Variants in PHF20L1 observed in about 807,000 individuals in gnomAD.
The protein encoded by PHF20L1 is PHD finger protein 20-like protein 1.
A neutral mutation model predicts 125.5 loss-of-function variants in PHF20L1; 44 were observed. The observed-to-expected ratio is 0.35, with a 90% CI of 0.28 to 0.45. The LOEUF (loss-of-function observed/expected upper bound fraction) is 0.45, where lower values mean the gene tolerates loss of function less well. PHF20L1 is among the 20% of genes least tolerant of loss of function. The pLI is 1.00. For synonymous variants in PHF20L1, 380 were observed against 403.1 expected (o/e 0.94, Z 0.69); for missense variants, 1,012 against 1,217.2 (o/e 0.83, Z 2.51).
At chr8:132,793,010 G>A (rs1342818290) in intron 2 of PHF20L1, among the ~76,000 whole-genome samples, 1 of 141,620 alleles carries the variant, frequency 7.1e-6, no homozygotes, top group African/African-American at 2.6e-5. Flanking sequence ...TGTTCCAAGA[G>A]ATATAAATGT....
intron 1 of PHF20L1, among the ~76,000 whole-genome samples, chr8:132,777,404 A>G (rs928119807): frequency 6.6e-6 from 1 of 152,202 alleles, no homozygotes; most frequent in Admixed American, 6.5e-5. Context: ...CAGTAGTCCT[A>G]TTCCAGAACA....
chr8:132,789,330 C>G (rs542955989), intron 2 of PHF20L1, among the ~76,000 whole-genome samples: 1 of 152,106 alleles, frequency 6.6e-6, no homozygotes, highest in African/African-American at 2.4e-5. Flanking sequence ...CAATAATATG[C>G]TATAGGAGTT....
Position 132,844,234 on chromosome 8 carries a change from T to C in PHF20L1, c.2827T>C (p.Trp943Arg). 1.2e-6 allele frequency: 2 copies of C among 1,612,888 alleles called. No individual in the cohort carries two copies. Among genetic ancestry groups the C allele is most frequent in the South Asian group, 1.1e-5 (1 of 91,034 alleles). ...AGACCCAGGAGACTCACATCTTCAGTGGCAGCTCAATCTCCTTACACACAT... is the reference window on the plus strand; with the variant it reads ...AGACCCAGGAGACTCACATCTTCAGCGGCAGCTCAATCTCCTTACACACAT... ...TEDPGDSHLQ[W>R]QLNLLTHIEN... The change falls in exon 20 of 21, where the codon TGG becomes CGG. Residue 943 changes from tryptophan (W) to arginine (R), a missense_variant. Transcript: ENST00000395386.
Position 132,825,557 on chromosome 8 carries a change from A to G in PHF20L1, c.1744+186A>G, listed in dbSNP as rs235442. Among the ~76,000 whole-genome samples the G allele has an allele frequency of 0.44, 67,128 of 151,720 alleles. 14,901 individuals are homozygous for G. Among genetic ancestry groups the G allele is most frequent in the South Asian group, 0.52 (2,500 of 4,816 alleles). On this transcript the variant is annotated intron_variant, in intron 14 of 20. Coordinates refer to ENST00000395386, the MANE Select transcript of PHF20L1 (RefSeq NM_016018.5). ...ATACTACTCTGTTTCACTCTGGCCT[A>G]TAATTGTTGCACTCTGGCCTTTAAT... is the stretch of plus-strand genomic sequence containing the variant.
chr8:132,828,975 A>G (rs1394382186), intron 14 of PHF20L1, among the ~76,000 whole-genome samples: 1 of 152,074 alleles, frequency 6.6e-6, no homozygotes, highest in Non-Finnish European at 1.5e-5. Context: ...TAAGAGTGGT[A>G]CAAAATAAAT....
At chr8:132,812,786 T>A in intron 9 of PHF20L1, 3 of 983,222 alleles carry the variant, frequency 3.1e-6, no homozygotes, top group Non-Finnish European at 3.6e-6. Context: ...GTATTGATTG[T>A]TACTAACCTC....
At chr8:132,782,000 C>A (rs1235431641) in intron 2 of PHF20L1, among the ~76,000 whole-genome samples, 1 of 152,214 alleles carries the variant, frequency 6.6e-6, no homozygotes, top group African/African-American at 2.4e-5. Flanking sequence ...TTTCAATCAT[C>A]TGCATAAAGA....
rs1341785812 is a variant in PHF20L1, at chr8:132,848,697, TC to T, written c.*2776del. ...TTTAAATTTCAGGTAAAACCCCTTT[TC>T]CTAACACTCATCTTATTTCCACTGT... On this transcript the variant is annotated 3_prime_UTR_variant, in exon 21 of 21. Transcript: ENST00000395386. 2 of 152,072 alleles carry T rather than the reference TC, an allele frequency of 1.3e-5. No homozygotes were observed. Among genetic ancestry groups the T allele is most frequent in the African/African-American group, 4.8e-5 (2 of 41,428 alleles). 9.4% of individuals were successfully genotyped at this position (152,072 alleles called of 1,614,324 possible).
At chr8:132,800,461 T>A (rs1832918493) in intron 6 of PHF20L1, among the ~76,000 whole-genome samples, 1 of 151,630 alleles carries the variant, frequency 6.6e-6, no homozygotes, top group Admixed American at 6.6e-5. Flanking sequence ...TGACTTGCCT[T>A]CATCAAAGAA....
At chr8:132,836,124 C>A (rs931561871) in intron 15 of PHF20L1, among the ~76,000 whole-genome samples, 2 of 152,108 alleles carry the variant, frequency 1.3e-5, no homozygotes, top group African/African-American at 2.4e-5. Flanking sequence ...ACTACACACA[C>A]CTGTCCCCAG....
chr8:132,819,544 C>T (rs946845550), intron 12 of PHF20L1, among the ~76,000 whole-genome samples: 22 of 151,618 alleles, frequency 1.5e-4, no homozygotes, highest in African/African-American at 3.9e-4. Flanking sequence ...TTGAAATTCT[C>T]GGTGGTCTCT....
At chr8:132,839,803 G>A (rs1053619995) in intron 18 of PHF20L1, among the ~76,000 whole-genome samples, 3 of 152,018 alleles carry the variant, frequency 2.0e-5, no homozygotes, top group Admixed American at 6.6e-5. Flanking sequence ...AGGTAGATAC[G>A]GCATCTAGTA....
chr8:132,815,286 T>C (rs1834836974), intron 10 of PHF20L1: 1 of 152,776 alleles, frequency 6.5e-6, no homozygotes, highest in Non-Finnish European at 1.5e-5. Context: ...CAATACATTT[T>C]ATTCATTCTT....
chr8:132,843,038 A>C, intron 19 of PHF20L1, 163 bp downstream of exon 19: 1 of 1,359,682 alleles, frequency 7.4e-7, no homozygotes, highest in Non-Finnish European at 9.5e-7. Flanking sequence ...ACAGGAAAAC[A>C]CTGGCCATTT....
intron 2 of PHF20L1, among the ~76,000 whole-genome samples, chr8:132,785,908 T>TA (rs1302020245): frequency 6.6e-6 from 1 of 152,108 alleles, no homozygotes; most frequent in Non-Finnish European, 1.5e-5. Context: ...ATGGTGTATC[T>TA]ACAAGGCCTT....
At position 132,845,973 on chromosome 8, in the gene PHF20L1, T is replaced by G. The variant is rs1344534281; in HGVS notation, c.*50T>G. 6.8e-7 allele frequency: 1 copy of G among 1,465,676 alleles called. No homozygotes were observed. Among genetic ancestry groups the G allele is most frequent in the Admixed American group, 1.8e-5 (1 of 56,792 alleles). 90.8% of individuals were successfully genotyped at this position (1,465,676 alleles called of 1,614,324 possible). ...ATGTGGCTTTCTTCAGTCAAAGCAT[T>G]TTTATTATCCACGTGATGGCTAAGT... On this transcript the variant is annotated 3_prime_UTR_variant, in exon 21 of 21. Coordinates refer to ENST00000395386, the MANE Select transcript of PHF20L1 (RefSeq NM_016018.5).
chr8:132,813,675 A>G (rs1291472519), intron 9 of PHF20L1, among the ~76,000 whole-genome samples: 2 of 152,018 alleles, frequency 1.3e-5, no homozygotes, highest in Non-Finnish European at 2.9e-5. Flanking sequence ...TGCATATTAT[A>G]TATTTTGCTC....
At chr8:132,801,057 A>G (rs1046346595) in intron 6 of PHF20L1, among the ~76,000 whole-genome samples, 1 of 151,684 alleles carries the variant, frequency 6.6e-6, no homozygotes, top group African/African-American at 2.4e-5. Flanking sequence ...CCTTCATTTT[A>G]TGAGATACCT....
chr8:132,845,802 T>A lies in PHF20L1; in HGVS notation c.2933T>A (p.Phe978Tyr). ...EVDVLESWLDFTGELEPPDPL... is the reference protein window; with the variant it reads ...EVDVLESWLDYTGELEPPDPL... ...TTAGTTCTGGAAAGCTGGCTTGATT[T>A]CACAGGGGAGTTGGAGCCACCAGAT... The change falls in exon 21 of 21, where the codon TTC (phenylalanine) becomes TAC (tyrosine). Residue 978 changes from phenylalanine (F) to tyrosine (Y), a missense_variant. Transcript: ENST00000395386. 2 of 1,610,578 alleles carry A rather than the reference T, an allele frequency of 1.2e-6. No individual in the cohort carries two copies. The highest frequency in any genetic ancestry group is 1.7e-6 in the Non-Finnish European group (2 of 1,177,056).
Sources: allele counts gnomAD v4.1 joint callset (sites outside exome capture counted in the v4.1 genomes callset), GRCh38; gene constraint gnomAD v4.1.1; transcripts MANE v1.5; gene names NCBI Gene and HGNC (gene_info 2026-07-23, HGNC 2026-07-21).